Variants in PRLR observed in about 807,000 individuals in gnomAD.
PRLR encodes prolactin receptor.
In PRLR, 13 loss-of-function variants were observed where a neutral mutation model predicts 40.2. The observed-to-expected ratio is 0.32, with a 90% confidence interval of 0.21 to 0.51. The LOEUF is 0.51. Among genes scored for constraint, PRLR ranks in the 20% least tolerant of loss-of-function variants. The pLI is 0.97. For missense variants in PRLR, 656 were observed against 747.3 expected, an observed-to-expected ratio of 0.88 and a Z score of 1.42; for synonymous variants, 269 against 278.7, an observed-to-expected ratio of 0.97 and a Z score of 0.35.
At chr5:35,131,186 T>C in intron 1 of PRLR, among the ~76,000 whole-genome samples, 1 of 152,224 alleles carries the variant, frequency 6.6e-6, no homozygotes, top group Non-Finnish European at 1.5e-5. Context: ...TATGAACCAA[T>C]TTAAAATTTA....
At chr5:35,211,182 T>C (rs1198158485) in intron 1 of PRLR, among the ~76,000 whole-genome samples, 1 of 152,218 alleles carries the variant, frequency 6.6e-6, no homozygotes, top group Admixed American at 6.5e-5. Flanking sequence ...CAAAAGTCAA[T>C]GTTTTCTTTT....
chr5:35,083,524 CTT>C (rs59813376), intron 5 of PRLR, among the ~76,000 whole-genome samples: 21 of 136,316 alleles, frequency 1.5e-4, no homozygotes, highest in Non-Finnish European at 1.6e-4. Flanking sequence ...CTTTTCTTTT[CTT>C]TTTTTTTTTT....
chr5:35,102,612 G>C (rs1771971655), intron 2 of PRLR, among the ~76,000 whole-genome samples: 1 of 147,644 alleles, frequency 6.8e-6, no homozygotes, highest in Non-Finnish European at 1.5e-5. Flanking sequence ...GCCCAATCTT[G>C]GCTCACTGCA....
At chr5:35,142,392 G>A (rs972786338) in intron 1 of PRLR, among the ~76,000 whole-genome samples, 3 of 152,102 alleles carry the variant, frequency 2.0e-5, no homozygotes, top group African/African-American at 7.2e-5. Context: ...TAGGAAATGG[G>A]GAGAAAGGGG....
chr5:35,118,604 C>T (rs1023138572), intron 1 of PRLR, among the ~76,000 whole-genome samples: 6 of 152,228 alleles, frequency 3.9e-5, no homozygotes, highest in Middle Eastern at 3.4e-3. Context: ...TCAAATTTTG[C>T]CAGTTATCCT....
intron 5 of PRLR, among the ~76,000 whole-genome samples, chr5:35,083,039 A>C (rs1770614578): frequency 6.6e-6 from 1 of 151,326 alleles, no homozygotes; most frequent in Admixed American, 6.6e-5. Flanking sequence ...TTTTGCCTTC[A>C]AATATTATAA....
At chr5:35,076,062 G>A (rs1770071396) in intron 5 of PRLR, among the ~76,000 whole-genome samples, 1 of 152,150 alleles carries the variant, frequency 6.6e-6, no homozygotes, top group Non-Finnish European at 1.5e-5. Context: ...AAGACCAAAG[G>A]TAGATAAAAC....
intron 1 of PRLR, among the ~76,000 whole-genome samples, chr5:35,122,016 T>A (rs1445133225): frequency 6.6e-6 from 1 of 152,160 alleles, no homozygotes; most frequent in African/African-American, 2.4e-5. Flanking sequence ...TGGGAGTTGA[T>A]ACACAATTAA....
chr5:35,209,486 C>A (rs924109240), intron 1 of PRLR, among the ~76,000 whole-genome samples: 6 of 152,092 alleles, frequency 3.9e-5, no homozygotes, highest in Non-Finnish European at 8.8e-5. Context: ...GTACTTAAGA[C>A]CCACTGTTCA....
intron 1 of PRLR, among the ~76,000 whole-genome samples, chr5:35,178,058 T>A (rs1775195170): frequency 6.6e-6 from 1 of 152,130 alleles, no homozygotes; most frequent in Admixed American, 6.5e-5. Context: ...TGCATTTCCC[T>A]AATTAGTAAT....
At chr5:35,134,860 C>T (rs910827856) in intron 1 of PRLR, among the ~76,000 whole-genome samples, 55 of 152,256 alleles carry the variant, frequency 3.6e-4, no homozygotes, top group African/African-American at 1.2e-3. Context: ...GATTTAATGG[C>T]GTGGGGTGCC....
chr5:35,149,311 T>C (rs554806650), intron 1 of PRLR, among the ~76,000 whole-genome samples: 2 of 152,264 alleles, frequency 1.3e-5, no homozygotes, highest in Admixed American at 1.3e-4. Context: ...CAGCCAAATG[T>C]GGTACTCCAG....
chr5:35,143,640 C>T (rs1052635214), intron 1 of PRLR, among the ~76,000 whole-genome samples: 2 of 152,088 alleles, frequency 1.3e-5, no homozygotes, highest in Admixed American at 1.3e-4. Context: ...ATTCCCAATG[C>T]TTATAACAAT....
intron 1 of PRLR, among the ~76,000 whole-genome samples, chr5:35,186,856 C>A (rs1775449310): frequency 6.6e-6 from 1 of 152,090 alleles, no homozygotes; most frequent in South Asian, 2.1e-4. Context: ...TCTTCTGCAC[C>A]CCGCTGTGTG....
intron 1 of PRLR, among the ~76,000 whole-genome samples, chr5:35,192,965 T>A (rs1775645356): frequency 6.6e-6 from 1 of 152,220 alleles, no homozygotes; most frequent in South Asian, 2.1e-4. Context: ...TTTTTCCTGC[T>A]TGCATTTGCA....
At chr5:35,133,971 G>A (rs1773769750) in intron 1 of PRLR, among the ~76,000 whole-genome samples, 1 of 152,104 alleles carries the variant, frequency 6.6e-6, no homozygotes, top group Admixed American at 6.5e-5. Flanking sequence ...ACTCATAAGT[G>A]GGAGCTAAAC....
intron 2 of PRLR, among the ~76,000 whole-genome samples, chr5:35,092,337 C>G (rs548721373): frequency 6.6e-5 from 10 of 152,254 alleles, no homozygotes; most frequent in African/African-American, 2.4e-4. Context: ...TCCAACTCAT[C>G]CTGCATTTTC....
At position 35,116,420 on chromosome 5, in the gene PRLR, C is replaced by T. The variant is rs1228536555; in HGVS notation, c.-44+1641G>A. ...GTGAAGTGGAGAATATGTCTCAAAT[C>T]TTTTGAGCAATAATGTTGTCTATGA... On this transcript the variant is annotated intron_variant, in intron 2 of 9. Coordinates refer to ENST00000618457, the MANE Select transcript of PRLR (RefSeq NM_000949.7). Among the ~76,000 whole-genome samples, 6 of 152,138 alleles carry T rather than the reference C, an allele frequency of 3.9e-5. No homozygotes were observed. The South Asian group carries it at 8.3e-4, about 21-fold the overall frequency.
intron 2 of PRLR, among the ~76,000 whole-genome samples, chr5:35,113,757 AC>A (rs1772843337): frequency 6.6e-6 from 1 of 152,154 alleles, no homozygotes; most frequent in African/African-American, 2.4e-5. Flanking sequence ...TACCATGAGA[AC>A]CCATAGCGGG....
Sources: gnomAD v4.1 joint callset for allele counts (sites outside exome capture counted in the v4.1 genomes callset) on GRCh38, gnomAD v4.1.1 for gene constraint, MANE v1.5 for transcripts, NCBI Gene and HGNC (gene_info 2026-07-23, HGNC 2026-07-21) for gene names.